Variants in ATP2C2 observed in about 807,000 individuals in gnomAD.
The protein encoded by ATP2C2 is calcium-transporting ATPase type 2C member 2.
A neutral mutation model predicts 110.8 loss-of-function variants in ATP2C2; 171 were observed. The ratio of observed to expected loss-of-function variants is 1.54; its 90% confidence interval spans 1.36 to 1.75. ATP2C2 has a LOEUF of 1.75. Among genes scored for constraint, ATP2C2 ranks in the 40% most tolerant of loss-of-function variants. ATP2C2 has a pLI of 0.00. For synonymous variants in ATP2C2, 804 were observed against 508.4 expected (o/e 1.58, Z -7.82); for missense variants, 1,963 against 1,235.0 (o/e 1.59, Z -8.84).
chr16:84,451,820 A>G, intron 17 of ATP2C2, 101 bp from the exon 18 acceptor site: 1 of 1,246,014 alleles, frequency 8.0e-7, no homozygotes, highest in South Asian at 1.4e-5. Flanking sequence ...CCTGGGCGAT[A>G]AGAACAAAAC....
At chr16:84,440,827 C>A (rs767434176) in intron 13 of ATP2C2, 30 bp from the exon 14 acceptor site, 70 of 1,568,896 alleles carry the variant, frequency 4.5e-5, no homozygotes, top group Non-Finnish European at 5.1e-5. Flanking sequence ...TGACTCTTGG[C>A]GAAACCCTTT....
At chr16:84,424,937 T>C (rs949456067) in intron 10 of ATP2C2, among the ~76,000 whole-genome samples, 1 of 152,130 alleles carries the variant, frequency 6.6e-6, no homozygotes, top group Non-Finnish European at 1.5e-5. Flanking sequence ...CTCACCCCTA[T>C]TTCCAATAGA....
At position 84,412,547 on chromosome 16, in the gene ATP2C2, CGTGT is replaced by C. The variant is rs58494870; in HGVS notation, c.515+1801_515+1804del. The stretch of plus-strand genomic sequence containing the variant: ...GTGTGCATGTGTCTGTGTGTGTATG[CGTGT>C]GTGTGTGTGTGTGTGTGTATGTGTG... On this transcript the variant is annotated intron_variant, in intron 6 of 26. Coordinates refer to ENST00000262429, the MANE Select transcript of ATP2C2 (RefSeq NM_014861.4). Among the ~76,000 whole-genome samples, 852 of 149,412 alleles carry C rather than the reference CGTGT, an allele frequency of 5.7e-3. 13 individuals carry two copies. The highest frequency in any genetic ancestry group is 0.018 in the African/African-American group (713 of 40,370).
chr16:84,459,679 C>T, intron 23 of ATP2C2: 2 of 1,205,542 alleles, frequency 1.7e-6, no homozygotes, highest in Non-Finnish European at 2.3e-6. Flanking sequence ...TTCCAGTCAC[C>T]AGTCACTGCC....
rs200601804 is a variant in ATP2C2, at chr16:84,460,602, C to T, written c.2334-52C>T. ...CTCAGGCACAGCTGTTTCAAGGGTCCTTTATTTCATTCCTGGTTCATTTCA... is the reference window on the plus strand; with the variant it reads ...CTCAGGCACAGCTGTTTCAAGGGTCTTTTATTTCATTCCTGGTTCATTTCA... On this transcript the variant is annotated intron_variant, in intron 23 of 26. Transcript: ENST00000262429. 6.1e-4 allele frequency: 988 copies of T among 1,613,248 alleles called. 10 individuals are homozygous for T. The Middle Eastern group carries it at 0.017, about 27-fold the overall frequency.
chr16:84,460,985 A>C (rs903473957), intron 24 of ATP2C2, 184 bp downstream of exon 24: 4 of 821,634 alleles, frequency 4.9e-6, no homozygotes, highest in Non-Finnish European at 7.1e-6. Context: ...GACCCTTGAA[A>C]GAAGGGAGGT....
At chr16:84,377,799 T>C (rs776491375) in intron 1 of ATP2C2, among the ~76,000 whole-genome samples, 1 of 152,108 alleles carries the variant, frequency 6.6e-6, no homozygotes, top group Non-Finnish European at 1.5e-5. Flanking sequence ...AGGTATTTTT[T>C]TCTTTGAGGA....
At chr16:84,393,121 G>A (rs1904758833) in intron 1 of ATP2C2, among the ~76,000 whole-genome samples, 1 of 152,192 alleles carries the variant, frequency 6.6e-6, no homozygotes, top group African/African-American at 2.4e-5. Flanking sequence ...TGTGTGTTTG[G>A]GGTTGGGTAG....
chr16:84,442,692 T>A (rs1909382601), intron 15 of ATP2C2, 93 bp downstream of exon 15: 1 of 1,226,186 alleles, frequency 8.2e-7, no homozygotes, highest in Non-Finnish European at 1.2e-6. Context: ...CTAACAGGAG[T>A]GGGGACGTTA....
intron 18 of ATP2C2, 50 bp downstream of exon 18, chr16:84,452,141 T>C: frequency 1.2e-6 from 2 of 1,602,580 alleles, no homozygotes; most frequent in Non-Finnish European, 8.5e-7. Context: ...ATCCATCCTT[T>C]ACGATGGGGG....
intron 1 of ATP2C2, among the ~76,000 whole-genome samples, chr16:84,387,238 TG>T (rs1332228749): frequency 6.6e-6 from 1 of 152,154 alleles, no homozygotes; most frequent in Non-Finnish European, 1.5e-5. Context: ...AAGCCCAAAC[TG>T]GGCCAGGTGC....
In ATP2C2 at chr16:84,426,729, A is replaced by G. The variant is rs79374087; in HGVS notation, c.986+928A>G. Among the ~76,000 whole-genome samples the G allele has an allele frequency of 3.3e-5, 5 of 152,310 alleles. No individual in the cohort carries two copies. In the East Asian group the frequency reaches 9.7e-4, roughly 29 times the overall value. The stretch of plus-strand genomic sequence containing the variant: ...GCTCTTAATACTGGTTTACAACTCT[A>G]TCCAAGCCCTTGTCTTACAGAGGAG... On this transcript the variant is annotated intron_variant, in intron 11 of 26. Transcript: ENST00000262429.
intron 10 of ATP2C2, among the ~76,000 whole-genome samples, chr16:84,424,766 C>T (rs1391186870): frequency 6.6e-6 from 1 of 151,934 alleles, no homozygotes; most frequent in East Asian, 1.9e-4. Context: ...CTCAGTGTGG[C>T]CGTTTTCAAG....
intron 1 of ATP2C2, among the ~76,000 whole-genome samples, chr16:84,393,108 G>C (rs1904758215): frequency 6.6e-6 from 1 of 152,202 alleles, no homozygotes; most frequent in African/African-American, 2.4e-5. Context: ...GAGAAGAAGT[G>C]AGTGTGTGTT....
chr16:84,448,760 A>G, intron 17 of ATP2C2, 71 bp downstream of exon 17: 1 of 1,535,608 alleles, frequency 6.5e-7, no homozygotes, highest in South Asian at 1.3e-5. Context: ...GCATTCAAGC[A>G]GGGTCCCTAG....
chr16:84,377,451 G>C (rs1030222069), intron 1 of ATP2C2, among the ~76,000 whole-genome samples: 5 of 152,030 alleles, frequency 3.3e-5, no homozygotes, highest in South Asian at 2.1e-4. Context: ...CTCAGTTCTG[G>C]AGGCCAGAAC....
chr16:84,403,157 T>C (rs899623866), intron 2 of ATP2C2, among the ~76,000 whole-genome samples: 5 of 152,250 alleles, frequency 3.3e-5, no homozygotes, highest in Non-Finnish European at 5.9e-5. Context: ...TTTGTATTTA[T>C]TTGGTTCTTC....
chr16:84,396,466 C>A (rs530086462), intron 1 of ATP2C2, among the ~76,000 whole-genome samples: 4 of 148,218 alleles, frequency 2.7e-5, no homozygotes, highest in African/African-American at 1.0e-4. Flanking sequence ...AGGAGACTCG[C>A]TTGAACCCGG....
intron 15 of ATP2C2, among the ~76,000 whole-genome samples, chr16:84,446,090 T>C (rs1909722430): frequency 6.6e-6 from 1 of 152,070 alleles, no homozygotes; most frequent in South Asian, 2.1e-4. Context: ...TCTAAGCAGA[T>C]TTCAGATAGA....
Sources: allele counts gnomAD v4.1 joint callset (sites outside exome capture counted in the v4.1 genomes callset), GRCh38; gene constraint gnomAD v4.1.1; transcripts MANE v1.5; gene names NCBI Gene and HGNC (gene_info 2026-07-23, HGNC 2026-07-21).